Variants in SLC17A8 observed in about 807,000 individuals in gnomAD.
The protein encoded by SLC17A8 is vesicular glutamate transporter 3.
In SLC17A8, 31 loss-of-function variants were observed where a neutral mutation model predicts 58.0. That is an observed-to-expected ratio of 0.53 (90% CI 0.40 to 0.72). SLC17A8 has a LOEUF of 0.72. Among genes scored for constraint, SLC17A8 ranks in the 30% least tolerant of loss-of-function variants. The pLI is 0.00. For missense variants in SLC17A8, 655 were observed against 727.8 expected, an observed-to-expected ratio of 0.90 and a Z score of 1.15; for synonymous variants, 228 against 249.0, an observed-to-expected ratio of 0.92 and a Z score of 0.79.
At chr12:100,418,468 G>C (rs187566277) in intron 11 of SLC17A8, among the ~76,000 whole-genome samples, 30 of 152,304 alleles carry the variant, frequency 2.0e-4, no homozygotes, top group Non-Finnish European at 3.7e-4. Context: ...TGGGATAAAT[G>C]AGTTACTGAA....
intron 2 of SLC17A8, among the ~76,000 whole-genome samples, chr12:100,389,467 A>G (rs1447504094): frequency 6.6e-6 from 1 of 152,252 alleles, no homozygotes; most frequent in East Asian, 1.9e-4. Context: ...AATGTAGTAA[A>G]TAACTTAGTA....
At chr12:100,411,845 TG>T (rs1359605927) in intron 9 of SLC17A8, among the ~76,000 whole-genome samples, 2 of 110,068 alleles carry the variant, frequency 1.8e-5, no homozygotes, top group African/African-American at 6.2e-5. Flanking sequence ...ATGTATTGTT[TG>T]TTTTTTTTTT....
At chr12:100,397,236 CTCT>C (rs1225658716) in intron 5 of SLC17A8, among the ~76,000 whole-genome samples, 1 of 152,102 alleles carries the variant, frequency 6.6e-6, no homozygotes, top group Admixed American at 6.6e-5. Context: ...CATCCCACGC[CTCT>C]TCTTTTTATA....
chr12:100,393,385 A>G lies in SLC17A8; in HGVS notation c.490A>G (p.Ile164Val), dbSNP rs1566396589. The change falls in exon 4 of 12, where the codon ATC becomes GTC. Residue 164 changes from isoleucine to valine, a missense_variant. By Grantham distance (29) the Ile-to-Val change is conservative (BLOSUM62 3). Transcript: ENST00000323346. Reference sequence around the variant, plus strand: ...GTCCCCCAGGGTCTTTGGAGCTGCCATCTTCTTAACATCGACTCTGAACAT... The same window carrying G: ...GTCCCCCAGGGTCTTTGGAGCTGCCGTCTTCTTAACATCGACTCTGAACAT... ...FAANRVFGAA[I>V]FLTSTLNMFI... The G allele has an allele frequency of 3.7e-6, 6 of 1,613,678 alleles. No homozygotes were observed. Among genetic ancestry groups the G allele is most frequent in the Admixed American group, 1.7e-5 (1 of 59,998 alleles).
At chr12:100,373,978 A>G (rs1008577603) in intron 1 of SLC17A8, among the ~76,000 whole-genome samples, 5 of 152,234 alleles carry the variant, frequency 3.3e-5, no homozygotes, top group African/African-American at 1.2e-4. Flanking sequence ...AGGAATGTAT[A>G]AAATGCCAAG....
intron 1 of SLC17A8, among the ~76,000 whole-genome samples, chr12:100,363,516 ACC>A (rs1056003349): frequency 2.6e-5 from 4 of 151,960 alleles, no homozygotes; most frequent in African/African-American, 9.7e-5. Flanking sequence ...ACGGGCACCC[ACC>A]ACCATGCCCG....
rs753134386 is a variant in SLC17A8, at chr12:100,380,776, G to C, written c.177G>C (p.Arg59Ser). 1.2e-6 allele frequency: 2 copies of C among 1,614,098 alleles called. No individual in the cohort carries two copies. The highest frequency in any genetic ancestry group is 2.2e-5 in the South Asian group (2 of 91,076). The change falls in exon 2 of 12, where the codon AGG (arginine) becomes AGC (serine). Residue 59 changes from arginine (R) to serine (S), a missense_variant. Transcript: ENST00000323346. ...NEEGRPVQTS[R>S]PSPPLCDCHC... ...AAGGAAGGCCGGTGCAGACGTCCAG[G>C]CCAAGCCCCCCACTCTGCGACTGCC...
In SLC17A8 at chr12:100,419,883, T is replaced by C. The variant is rs140399658; in HGVS notation, c.1494T>C (p.Tyr498=). The C allele has an allele frequency of 1.2e-5, 19 of 1,614,010 alleles. No individual in the cohort carries two copies. In the African/African-American group the frequency reaches 2.0e-4, roughly 17 times the overall value. The change falls in exon 12 of 12, where the codon TAT becomes TAC. Residue 498 remains tyrosine (Y), a synonymous_variant. Transcript: ENST00000323346. ...ALVHYSGVIF[Y]GVFASGEKQE... ...TGCATTACAGTGGTGTGATCTTCTA[T>C]GGGGTCTTTGCTTCTGGGGAGAAAC...
At chr12:100,378,227 G>C (rs1161755282) in intron 1 of SLC17A8, among the ~76,000 whole-genome samples, 2 of 152,176 alleles carry the variant, frequency 1.3e-5, no homozygotes, top group Non-Finnish European at 2.9e-5. Context: ...GAAGAATTAG[G>C]AGGATGACCA....
rs1013955202 is a variant in SLC17A8, at chr12:100,414,842, A to G, written c.1297+1962A>G. 2.6e-5 allele frequency among the ~76,000 whole-genome samples: 4 copies of G among 152,212 alleles called. No homozygotes were observed. In the South Asian group the frequency reaches 6.2e-4, roughly 24 times the overall value. ...TGAAATCACCATAAGATATTTCAGA[A>G]TGCAGATTCTGATTTGGTAGCTCTA... On this transcript the variant is annotated intron_variant, in intron 10 of 11. Transcript: ENST00000323346.
chr12:100,376,926 C>T (rs1566389767), intron 1 of SLC17A8, among the ~76,000 whole-genome samples: 2 of 152,162 alleles, frequency 1.3e-5, no homozygotes, highest in Admixed American at 6.5e-5. Context: ...TCTCATGCCT[C>T]AGCCTCCGGA....
intron 2 of SLC17A8, among the ~76,000 whole-genome samples, chr12:100,390,501 C>T (rs11110364): frequency 0.072 from 10,945 of 151,832 alleles, 988 homozygotes; most frequent in East Asian, 0.5. Context: ...TGCCCGCCAC[C>T]ACGCCCGGCT....
rs1363270819 is a variant in SLC17A8, at chr12:100,412,900, T to C, written c.1297+20T>C. 7.0e-6 allele frequency: 11 copies of C among 1,572,418 alleles called. No individual in the cohort carries two copies. Among genetic ancestry groups the C allele is most frequent in the Non-Finnish European group, 8.8e-6 (10 of 1,142,176 alleles). On this transcript the variant is annotated intron_variant, in intron 10 of 11. Transcript: ENST00000323346. ...TTTCAGGTAATGTGTCCTTTGGGTT[T>C]CCAGATCTTGACTATAGATTCAACA... is the stretch of plus-strand genomic sequence containing the variant.
intron 5 of SLC17A8, among the ~76,000 whole-genome samples, chr12:100,400,901 T>G (rs566938414): frequency 6.6e-6 from 1 of 151,870 alleles, no homozygotes; most frequent in African/African-American, 2.4e-5. Context: ...GGTTAAGTTT[T>G]ACAAAGTAAG....
At chr12:100,371,366 T>G (rs921131037) in intron 1 of SLC17A8, among the ~76,000 whole-genome samples, 1 of 152,088 alleles carries the variant, frequency 6.6e-6, no homozygotes, top group African/African-American at 2.4e-5. Context: ...TGAATCCCAC[T>G]GCAATACTCC....
chr12:100,358,907 G>A (rs954459580), intron 1 of SLC17A8, among the ~76,000 whole-genome samples: 1 of 152,114 alleles, frequency 6.6e-6, no homozygotes, highest in East Asian at 1.9e-4. Flanking sequence ...TTTGGGAGGC[G>A]GAAGTGGGAG....
At chr12:100,377,585 A>ATATTT (rs1366447682) in intron 1 of SLC17A8, among the ~76,000 whole-genome samples, 1 of 84,036 alleles carries the variant, frequency 1.2e-5, no homozygotes, top group African/African-American at 4.9e-5. Context: ...ATATATATAT[A>ATATTT]TTTTTTTTTT....
intron 1 of SLC17A8, among the ~76,000 whole-genome samples, chr12:100,377,585 A>ATTTTTT (rs35397911): frequency 6.0e-5 from 5 of 84,030 alleles, no homozygotes; most frequent in Non-Finnish European, 8.8e-5. Flanking sequence ...ATATATATAT[A>ATTTTTT]TTTTTTTTTT....
intron 2 of SLC17A8, among the ~76,000 whole-genome samples, chr12:100,385,233 ATTTT>A (rs397850732): frequency 9.4e-6 from 1 of 106,696 alleles, no homozygotes; most frequent in East Asian, 2.9e-4. Flanking sequence ...TGTCTTAAAC[ATTTT>A]TTTTTTTTTT....
Sources: allele counts gnomAD v4.1 joint callset (sites outside exome capture counted in the v4.1 genomes callset), GRCh38; gene constraint gnomAD v4.1.1; transcripts MANE v1.5; gene names NCBI Gene and HGNC (gene_info 2026-07-23, HGNC 2026-07-21).